The following CAMTA1 variants were observed in gnomAD, a reference collection of about 807,000 sequenced individuals.
The protein encoded by CAMTA1 is calmodulin-binding transcription activator 1.
In CAMTA1, 27 loss-of-function variants were observed where a neutral mutation model predicts 170.9. The observed-to-expected ratio is 0.16, with a 90% confidence interval of 0.12 to 0.22. The LOEUF is 0.22. Ranked by LOEUF, CAMTA1 falls within the 10% of genes least tolerant of loss-of-function variation. CAMTA1 has a pLI of 1.00. For missense variants in CAMTA1, 1,619 were observed against 2,217.2 expected, an observed-to-expected ratio of 0.73 and a Z score of 5.42; for synonymous variants, 833 against 891.5, an observed-to-expected ratio of 0.93 and a Z score of 1.17.
intron 1 of CAMTA1, among the ~76,000 whole-genome samples, chr1:6,788,862 G>A (rs1487108148): frequency 2.0e-5 from 3 of 152,172 alleles, no homozygotes; most frequent in South Asian, 2.1e-4. Context: ...GTCACTGGTC[G>A]CCACAGATGA....
chr1:6,914,102 C>CT (rs35814913), intron 3 of CAMTA1, among the ~76,000 whole-genome samples: 47,098 of 121,930 alleles, frequency 0.39, 10,055 homozygotes, highest in Non-Finnish European at 0.48. Flanking sequence ...GGGCTCATCT[C>CT]TTTTTTTTTT....
rs1168305140 is a variant in CAMTA1, at chr1:7,601,989, GGGGAGA to G, written c.511-38384_511-38379del. ...GAGACTGTGGGGAGAGGGAGACCGT[GGGGAGA>G]GGGAGAGGGAGAGGGAGAGGGAGAG... On this transcript the variant is annotated intron_variant, in intron 6 of 22. Coordinates refer to ENST00000303635, the MANE Select transcript of CAMTA1 (RefSeq NM_015215.4). Among the ~76,000 whole-genome samples the G allele has an allele frequency of 3.1e-3, 365 of 116,452 alleles. 7 individuals carry two copies. Among genetic ancestry groups the G allele is most frequent in the African/African-American group, 9.9e-3 (279 of 28,230 alleles). 76.4% of individuals were successfully genotyped at this position (116,452 alleles called of 152,430 possible).
intron 22 of CAMTA1, among the ~76,000 whole-genome samples, chr1:7,760,124 TTATTTTACTGG>T (rs2096963430): frequency 6.6e-6 from 1 of 152,238 alleles, no homozygotes; most frequent in Admixed American, 6.5e-5. Context: ...GCAGGTGCAG[TTATTTTACTGG>T]AACAAAACCT....
intron 22 of CAMTA1, among the ~76,000 whole-genome samples, chr1:7,765,833 T>C (rs2097017812): frequency 6.6e-6 from 1 of 152,124 alleles, no homozygotes; most frequent in Non-Finnish European, 1.5e-5. Flanking sequence ...GAAACCATCC[T>C]GGCTAACATG....
At chr1:7,743,888 G>A (rs1230790282) in intron 16 of CAMTA1, among the ~76,000 whole-genome samples, 1 of 149,830 alleles carries the variant, frequency 6.7e-6, no homozygotes, top group Non-Finnish European at 1.5e-5. Flanking sequence ...GTGCAGTGGC[G>A]CGATCTTGGC....
At chr1:7,460,265 C>T (rs1473402959) in intron 5 of CAMTA1, among the ~76,000 whole-genome samples, 1 of 152,206 alleles carries the variant, frequency 6.6e-6, no homozygotes, top group Non-Finnish European at 1.5e-5. Flanking sequence ...TTTTTTGGCT[C>T]AGCACAAATG....
At chr1:7,317,462 C>T (rs934598950) in intron 5 of CAMTA1, among the ~76,000 whole-genome samples, 2 of 152,244 alleles carry the variant, frequency 1.3e-5, no homozygotes, top group Non-Finnish European at 2.9e-5. Context: ...TGAATTAATA[C>T]GTGTCTAGCC....
intron 5 of CAMTA1, among the ~76,000 whole-genome samples, chr1:7,451,419 A>G (rs2149462597): frequency 6.6e-6 from 1 of 152,212 alleles, no homozygotes; most frequent in African/African-American, 2.4e-5. Flanking sequence ...GGCACTGCCT[A>G]CGGAGGGTCA....
intron 6 of CAMTA1, among the ~76,000 whole-genome samples, chr1:7,526,656 GTT>G (rs1287245247): frequency 6.6e-6 from 1 of 152,238 alleles, no homozygotes; most frequent in African/African-American, 2.4e-5. Context: ...AGAAGGGCAT[GTT>G]CCTCCAGGCC....
intron 6 of CAMTA1, among the ~76,000 whole-genome samples, chr1:7,540,060 C>G (rs1157118279): frequency 6.6e-6 from 1 of 152,146 alleles, no homozygotes. Flanking sequence ...TCCTCTGAAC[C>G]CTGTACACAC....
intron 3 of CAMTA1, among the ~76,000 whole-genome samples, chr1:6,906,057 G>C (rs1190567164): frequency 6.6e-6 from 1 of 152,180 alleles, no homozygotes; most frequent in Non-Finnish European, 1.5e-5. Flanking sequence ...ACCTGCTTAG[G>C]ATCGTGAGCC....
chr1:7,750,110 G>A (rs2096885644), intron 19 of CAMTA1, among the ~76,000 whole-genome samples: 1 of 152,214 alleles, frequency 6.6e-6, no homozygotes, highest in African/African-American at 2.4e-5. Context: ...GTCTGAGTGT[G>A]TAGTGTGCAC....
rs1220905061 is a variant in CAMTA1, at chr1:7,395,239, G to GT, written c.439-72584dup. Among the ~76,000 whole-genome samples, 5 of 152,182 alleles carry GT rather than the reference G, an allele frequency of 3.3e-5. No homozygotes were observed. The East Asian group carries it at 5.8e-4, about 18-fold the overall frequency. On this transcript the variant is annotated intron_variant, in intron 5 of 22. Coordinates refer to ENST00000303635, the MANE Select transcript of CAMTA1 (RefSeq NM_015215.4). The stretch of plus-strand genomic sequence containing the variant: ...CATATAAGAATATTTAATCCATTTT[G>GT]TTTTTTTGTATGGTGAGAGATAGGC...
intron 5 of CAMTA1, among the ~76,000 whole-genome samples, chr1:7,438,889 A>G (rs1477165486): frequency 6.6e-5 from 10 of 152,136 alleles, no homozygotes; most frequent in Non-Finnish European, 1.3e-4. Context: ...CCCAGTGTCC[A>G]CCTCCATATC....
intron 3 of CAMTA1, among the ~76,000 whole-genome samples, chr1:6,894,955 G>A (rs910269260): frequency 1.3e-5 from 2 of 152,194 alleles, no homozygotes; most frequent in African/African-American, 4.8e-5. Context: ...TCTTTGCAAA[G>A]CCGGGAGACC....
chr1:6,959,804 CG>C (rs774888037), intron 3 of CAMTA1, among the ~76,000 whole-genome samples: 14 of 152,076 alleles, frequency 9.2e-5, no homozygotes, highest in Non-Finnish European at 1.8e-4. Flanking sequence ...AGAGCTGAGC[CG>C]GGTTCAGATT....
intron 6 of CAMTA1, among the ~76,000 whole-genome samples, chr1:7,563,391 C>G (rs993940029): frequency 6.6e-6 from 1 of 152,200 alleles, no homozygotes; most frequent in African/African-American, 2.4e-5. Flanking sequence ...GGACTGAGAC[C>G]TGCAGCACAG....
In CAMTA1 at chr1:7,663,398, G is replaced by A. The variant is rs767725186; in HGVS notation, c.851G>A (p.Arg284His). 30 of 1,543,164 alleles carry A rather than the reference G, an allele frequency of 1.9e-5. No individual in the cohort carries two copies. Among genetic ancestry groups the A allele is most frequent in the Non-Finnish European group, 2.3e-5 (26 of 1,141,496 alleles). ...CACAAGTGTAACAGCGCCAAACACC[G>A]CATCATCTCGCCCAAGGTGGAGCCA... ...VHHKCNSAKH[R>H]IISPKVEPRT... is the part of the protein sequence containing the mutation. Residue 284 changes from arginine (R) to histidine (H), a missense_variant, in exon 9 of 23, where the codon CGC becomes CAC. Physicochemically the swap from Arg to His is conservative, Grantham distance 29. Around this residue, in one of 8 missense-constraint regions of CAMTA1, gnomAD observed 731 missense variants for 907.6 expected, o/e 0.81. Coordinates refer to ENST00000303635, the MANE Select transcript of CAMTA1 (RefSeq NM_015215.4).
chr1:7,595,920 C>T (rs1007516581), intron 6 of CAMTA1, among the ~76,000 whole-genome samples: 10 of 152,180 alleles, frequency 6.6e-5, no homozygotes, highest in Non-Finnish European at 1.5e-4. Context: ...TCCCAAGGAA[C>T]GTGCAGCCTC....
Sources: allele counts gnomAD v4.1 joint callset (sites outside exome capture counted in the v4.1 genomes callset), GRCh38; gene constraint gnomAD v4.1.1; regional missense constraint gnomAD v4.1.1; transcripts MANE v1.5; gene names NCBI Gene and HGNC (gene_info 2026-07-23, HGNC 2026-07-21).